KIF26B: variants seen among roughly 807,000 people sequenced by gnomAD.
KIF26B encodes the protein kinesin family member 26B, also known as kinesin-like protein KIF26B.
Under a neutral mutation model 151.2 loss-of-function variants are expected in KIF26B, and 63 were observed. That is an observed-to-expected ratio of 0.42 (90% confidence interval 0.34 to 0.51). The LOEUF (loss-of-function observed/expected upper bound fraction) is 0.51. Among genes scored for constraint, KIF26B ranks in the 20% least tolerant of loss-of-function variants. The probability of loss-of-function intolerance (pLI) is 0.07; values close to 1 mark genes in which losing one functional copy is unlikely to be tolerated. For synonymous variants in KIF26B, 1,357 were observed against 1,262.1 expected (o/e 1.08, Z -1.59); for missense variants, 2,813 against 2,913.6 (o/e 0.97, Z 0.79).
Position 245,698,409 on chromosome 1 carries a change from G to A in KIF26B, c.6027+101G>A, listed in dbSNP as rs1320163155. ...GCCCTGGGGAAGAAAACTCAGACCC[G>A]GGCTTCCCAGCGGGCTTCTGGCATG... On this transcript the variant is annotated intron_variant, in intron 13 of 14. Transcript: ENST00000407071. This position sits in a 1 kb window ranked among gnomAD's most constrained non-coding sequence, Gnocchi z 4.0. The A allele has an allele frequency of 3.6e-6, 4 of 1,113,012 alleles. No individual in the cohort carries two copies. The highest frequency in any genetic ancestry group is 2.5e-5 in the East Asian group (1 of 39,264). 68.9% of individuals were successfully genotyped at this position (1,113,012 alleles called of 1,614,324 possible).
At chr1:245,168,094 G>T (rs1253279734) in intron 2 of KIF26B, among the ~76,000 whole-genome samples, 1 of 152,222 alleles carries the variant, frequency 6.6e-6, no homozygotes, top group Non-Finnish European at 1.5e-5. Context: ...GAGCATGGTA[G>T]TCGGTGGGCT....
intron 2 of KIF26B, among the ~76,000 whole-genome samples, chr1:245,252,464 G>A (rs369719704): frequency 1.2e-4 from 18 of 152,108 alleles, no homozygotes; most frequent in South Asian, 6.2e-4. Flanking sequence ...ACTGTGAATG[G>A]ATTGTTCTTT....
At chr1:245,186,781 TATCATC>T (rs938870116) in intron 2 of KIF26B, among the ~76,000 whole-genome samples, 3 of 152,142 alleles carry the variant, frequency 2.0e-5, no homozygotes, top group Non-Finnish European at 2.9e-5. Context: ...AGTATTATTA[TATCATC>T]ATCATCATCA....
intron 9 of KIF26B, among the ~76,000 whole-genome samples, chr1:245,619,568 T>C (rs541561676): frequency 6.9e-4 from 96 of 138,396 alleles, no homozygotes; most frequent in Non-Finnish European, 1.2e-3. Flanking sequence ...ATGGCGCCAC[T>C]GCACTCCAGC....
chr1:245,458,666 A>G (rs761172500), intron 4 of KIF26B, among the ~76,000 whole-genome samples: 85 of 152,244 alleles, frequency 5.6e-4, no homozygotes, highest in Non-Finnish European at 9.6e-4. Context: ...GTACATGTAC[A>G]TGTTAATTGC....
At chr1:245,283,264 C>G (rs1192554064) in intron 2 of KIF26B, among the ~76,000 whole-genome samples, 1 of 151,768 alleles carries the variant, frequency 6.6e-6, no homozygotes, top group Non-Finnish European at 1.5e-5. Flanking sequence ...CCACCGCGAG[C>G]CCAATCTGCC....
chr1:245,172,474 G>A (rs1010836670), intron 2 of KIF26B, among the ~76,000 whole-genome samples: 46 of 152,254 alleles, frequency 3.0e-4, no homozygotes, highest in African/African-American at 1.1e-3. Context: ...GGGGCTGCAG[G>A]AACCCAAAGA....
chr1:245,155,571 C>T, intron 1 of KIF26B, 84 bp downstream of exon 1: 5 of 1,232,936 alleles, frequency 4.1e-6, no homozygotes, highest in Non-Finnish European at 5.7e-6. Context: ...CGTGCGGCCC[C>T]GGCCCCGAGC....
At position 245,488,275 on chromosome 1, in the gene KIF26B, GCTCC is replaced by G. The variant is rs1291562973; in HGVS notation, c.1167-52489_1167-52486del. Among the ~76,000 whole-genome samples the G allele has an allele frequency of 6.6e-6, 1 of 151,706 alleles. No homozygotes were observed. Among genetic ancestry groups the G allele is most frequent in the Non-Finnish European group, 1.5e-5 (1 of 67,970 alleles). On this transcript the variant is annotated intron_variant, in intron 4 of 14. Transcript: ENST00000407071. The surrounding 1 kb of genome is among the most constrained non-coding windows in gnomAD (Gnocchi z 4.6). ...TCATTGCTTTGATAGCAACTTTTAGGCTCCCTTAGCTTTAAAAAAGAATCCTCTA... is the reference window on the plus strand; with the variant it reads ...TCATTGCTTTGATAGCAACTTTTAGGCTTAGCTTTAAAAAAGAATCCTCTA...
chr1:245,675,801 T>G lies in KIF26B; in HGVS notation c.2259-8432T>G, dbSNP rs2044350550. On this transcript the variant is annotated intron_variant, in intron 10 of 14. Coordinates refer to ENST00000407071, the MANE Select transcript of KIF26B (RefSeq NM_018012.4). ...ATGATAGAAGCACATGATAACTGTC[T>G]TTAAAGTGTGAGGGGCCCATGTGAG... is the stretch of plus-strand genomic sequence containing the variant. 2.0e-5 allele frequency among the ~76,000 whole-genome samples: 3 copies of G among 152,152 alleles called. No individual in the cohort carries two copies. In the South Asian group the frequency reaches 6.2e-4, roughly 32 times the overall value.
At chr1:245,207,255 G>A (rs188414895) in intron 2 of KIF26B, among the ~76,000 whole-genome samples, 61 of 151,880 alleles carry the variant, frequency 4.0e-4, no homozygotes, top group Admixed American at 3.9e-3. Flanking sequence ...TTCTGCAGAA[G>A]GGTGCTTCTC....
chr1:245,501,568 A>T (rs1350604911), intron 4 of KIF26B, among the ~76,000 whole-genome samples: 1 of 152,242 alleles, frequency 6.6e-6, no homozygotes, highest in East Asian at 1.9e-4. Context: ...AAGAGTTATC[A>T]TGCCTGCAGA....
intron 2 of KIF26B, among the ~76,000 whole-genome samples, chr1:245,194,324 G>A (rs577434956): frequency 7.2e-5 from 11 of 152,116 alleles, no homozygotes; most frequent in Non-Finnish European, 1.3e-4. Flanking sequence ...CTCTGAGCAC[G>A]GTGCATGGGG....
chr1:245,439,079 G>A (rs1659001393), intron 4 of KIF26B, among the ~76,000 whole-genome samples: 1 of 152,190 alleles, frequency 6.6e-6, no homozygotes, highest in South Asian at 2.1e-4. Flanking sequence ...CAGGCATGGT[G>A]GCTCACACCT....
At chr1:245,594,800 G>A (rs1197068429) in intron 5 of KIF26B, among the ~76,000 whole-genome samples, 1 of 152,186 alleles carries the variant, frequency 6.6e-6, no homozygotes, top group Non-Finnish European at 1.5e-5. Context: ...CTTTCCATAA[G>A]CATAGAATGT....
chr1:245,229,575 T>C (rs1669948865), intron 2 of KIF26B, among the ~76,000 whole-genome samples: 1 of 152,218 alleles, frequency 6.6e-6, no homozygotes, highest in Non-Finnish European at 1.5e-5. Context: ...GTCTTGGCCA[T>C]CCTGTTGTTC....
rs117210330 is a variant in KIF26B at position 245,701,224 on chromosome 1, T to C, written c.6179-1234T>C. ...GGAAATATATATTGTTTCTTGAAGA[T>C]GAATTGAAAACAGTAATGAAAAAAA... is the stretch of plus-strand genomic sequence containing the variant. On this transcript the variant is annotated intron_variant, in intron 14 of 14. Coordinates refer to ENST00000407071, the MANE Select transcript of KIF26B (RefSeq NM_018012.4). 4.6e-4 allele frequency among the ~76,000 whole-genome samples: 70 copies of C among 152,312 alleles called. No individual in the cohort carries two copies. In the East Asian group the frequency reaches 0.013, roughly 29 times the overall value.
chr1:245,465,318 A>G (rs1659761455), intron 4 of KIF26B, among the ~76,000 whole-genome samples: 1 of 151,818 alleles, frequency 6.6e-6, no homozygotes, highest in South Asian at 2.1e-4. Context: ...GTGGGTGGGG[A>G]CTGTTCCCGC....
At chr1:245,354,083 AC>A (rs1366959678) in intron 2 of KIF26B, among the ~76,000 whole-genome samples, 5 of 151,802 alleles carry the variant, frequency 3.3e-5, no homozygotes, top group African/African-American at 1.2e-4. Flanking sequence ...AGCCTGGGGC[AC>A]CTCCCGCCAA....
Sources: allele counts gnomAD v4.1 joint callset (sites outside exome capture counted in the v4.1 genomes callset), GRCh38; gene constraint gnomAD v4.1.1; non-coding constraint Gnocchi (gnomAD v3.1); transcripts MANE v1.5; gene names NCBI Gene and HGNC (gene_info 2026-07-23, HGNC 2026-07-21).